The following CEP128 variants were observed in gnomAD, a reference collection of about 807,000 sequenced individuals.
The protein encoded by CEP128 is centrosomal protein 128kDa.
Under a neutral mutation model 156.7 loss-of-function variants are expected in CEP128, and 132 were observed. The ratio of observed to expected loss-of-function variants is 0.84; its 90% CI spans 0.73 to 0.97. CEP128 has a LOEUF of 0.97. Ranked by LOEUF, CEP128 falls within the 50% of genes least tolerant of loss-of-function variation. The probability of loss-of-function intolerance (pLI) is 0.00; values close to 1 mark genes in which losing one functional copy is unlikely to be tolerated. For missense variants in CEP128, 1,252 were observed against 1,281.9 expected (o/e 0.98, Z 0.36); for synonymous variants, 469 against 448.9 (o/e 1.04, Z -0.57).
intron 14 of CEP128, among the ~76,000 whole-genome samples, chr14:80,789,662 C>CA (rs888052861): frequency 1.3e-5 from 2 of 151,806 alleles, no homozygotes; most frequent in African/African-American, 4.8e-5. Flanking sequence ...ACCAAGCTTC[C>CA]AAAGAAGGGG....
At position 80,614,619 on chromosome 14, in the gene CEP128, T is replaced by G. The variant is rs142505074; in HGVS notation, c.2807-34196A>C. On this transcript the variant is annotated intron_variant, in intron 19 of 24. Coordinates refer to ENST00000555265, the MANE Select transcript of CEP128 (RefSeq NM_152446.5). ...CATAAAAAACCCTGTCCCACCCAGG[T>G]AGCCTGCTTTATGAGACTCTATTTT... Among the ~76,000 whole-genome samples, 711 of 152,330 alleles carry G rather than the reference T, an allele frequency of 4.7e-3. 3 individuals carry two copies. Among genetic ancestry groups the G allele is most frequent in the African/African-American group, 0.016 (680 of 41,570 alleles).
At chr14:80,869,038 A>G (rs760884646) in intron 8 of CEP128, among the ~76,000 whole-genome samples, 4 of 152,046 alleles carry the variant, frequency 2.6e-5, no homozygotes, top group Non-Finnish European at 5.9e-5. Context: ...CAGAAATACA[A>G]TAGTAGTTTT....
At chr14:80,636,752 T>C (rs912224531) in intron 19 of CEP128, among the ~76,000 whole-genome samples, 1 of 152,180 alleles carries the variant, frequency 6.6e-6, no homozygotes, top group Non-Finnish European at 1.5e-5. Flanking sequence ...ATTTCCATTT[T>C]TCCCCCCAAC....
At chr14:80,656,869 T>G (rs2140879470) in intron 19 of CEP128, among the ~76,000 whole-genome samples, 1 of 152,276 alleles carries the variant, frequency 6.6e-6, no homozygotes, top group Admixed American at 6.5e-5. Context: ...AACCCTAATA[T>G]GATATAAACA....
At chr14:80,723,732 C>T (rs1897909614) in intron 19 of CEP128, among the ~76,000 whole-genome samples, 2 of 152,116 alleles carry the variant, frequency 1.3e-5, no homozygotes, top group South Asian at 4.1e-4. Flanking sequence ...CTATTATGTT[C>T]CTGGAAGCAT....
intron 9 of CEP128, among the ~76,000 whole-genome samples, chr14:80,858,243 A>T (rs1887310398): frequency 7.2e-6 from 1 of 138,722 alleles, no homozygotes; most frequent in Non-Finnish European, 1.5e-5. Flanking sequence ...ATAACGCCAC[A>T]TATCTACAAC....
chr14:80,503,152 CTAAT>C (rs888023685), intron 24 of CEP128, among the ~76,000 whole-genome samples: 10 of 151,886 alleles, frequency 6.6e-5, no homozygotes, highest in African/African-American at 2.2e-4. Flanking sequence ...AATTAATTTA[CTAAT>C]TAATTAAACT....
intron 2 of CEP128, among the ~76,000 whole-genome samples, chr14:80,916,769 G>A (rs1884587988): frequency 6.6e-6 from 1 of 152,148 alleles, no homozygotes; most frequent in Admixed American, 6.5e-5. Context: ...CTTTAAGGGA[G>A]CGATTCCTCA....
intron 20 of CEP128, among the ~76,000 whole-genome samples, chr14:80,565,369 G>A (rs1030137993): frequency 1.8e-4 from 28 of 152,174 alleles, no homozygotes; most frequent in Admixed American, 5.2e-4. Flanking sequence ...AGATTTTAAA[G>A]GTAATTTGGC....
chr14:80,751,457 C>CT (rs1899388715), intron 18 of CEP128, among the ~76,000 whole-genome samples: 1 of 152,092 alleles, frequency 6.6e-6, no homozygotes, highest in African/African-American at 2.4e-5. Context: ...ATAGAAATAA[C>CT]TTTAACAATT....
intron 20 of CEP128, among the ~76,000 whole-genome samples, chr14:80,571,089 C>T (rs1335175512): frequency 6.6e-6 from 1 of 152,156 alleles, no homozygotes; most frequent in Non-Finnish European, 1.5e-5. Flanking sequence ...ACTGCGGAAA[C>T]AGCACAAGAA....
downstream of CEP128, among the ~76,000 whole-genome samples, chr14:80,485,783 C>T (rs565615118): frequency 2.0e-5 from 3 of 152,242 alleles, no homozygotes; most frequent in South Asian, 2.1e-4. Flanking sequence ...GCTGAGGAAA[C>T]GTAGGAATTG....
intron 16 of CEP128, among the ~76,000 whole-genome samples, chr14:80,773,622 G>A (rs1329556897): frequency 1.3e-5 from 2 of 152,104 alleles, no homozygotes; most frequent in Admixed American, 6.5e-5. Flanking sequence ...GATCCATATA[G>A]ATCAGGCATT....
chr14:80,684,040 G>A (rs941296250), intron 19 of CEP128, among the ~76,000 whole-genome samples: 5 of 151,952 alleles, frequency 3.3e-5, no homozygotes, highest in Admixed American at 3.3e-4. Flanking sequence ...TAGAGGAGCT[G>A]GAAAAACAAG....
intron 13 of CEP128, among the ~76,000 whole-genome samples, chr14:80,810,766 G>C (rs1247861197): frequency 6.6e-6 from 1 of 152,090 alleles, no homozygotes; most frequent in Non-Finnish European, 1.5e-5. Context: ...CTGATCCTGG[G>C]CTTTTCTTTG....
rs755704129 is a variant in CEP128, at chr14:80,793,088, T to C, written c.1232A>G (p.Asn411Ser). Residue 411 changes from asparagine (N) to serine (S), a missense_variant, in exon 14 of 25, where the codon AAT (asparagine) becomes AGT (serine). Asn to Ser is a conservative substitution (Grantham distance 46). Coordinates refer to ENST00000555265, the MANE Select transcript of CEP128 (RefSeq NM_152446.5). ...QVENLTRELE[N>S]GEKQQLQMLD... ...CATCTGCAGTTGCTGTTTTTCCCCA[T>C]TCTCCAGTTCACGTGTTAAATTCTA... 28 of 1,611,678 alleles carry C rather than the reference T, an allele frequency of 1.7e-5. No homozygotes were observed. The South Asian group carries it at 2.9e-4, about 16-fold the overall frequency.
chr14:80,735,716 T>C (rs1478457142), intron 19 of CEP128, among the ~76,000 whole-genome samples: 1 of 152,226 alleles, frequency 6.6e-6, no homozygotes, highest in Non-Finnish European at 1.5e-5. Flanking sequence ...CTTACTGGGC[T>C]AAATCAAGTG....
chr14:80,937,256 G>A lies in CEP128; in HGVS notation c.-16+2129C>T, dbSNP rs1485757441. 3.9e-5 allele frequency among the ~76,000 whole-genome samples: 6 copies of A among 152,186 alleles called. No homozygotes were observed. The East Asian group carries it at 9.6e-4, about 24-fold the overall frequency. On this transcript the variant is annotated intron_variant, in intron 2 of 24. Transcript: ENST00000555265. Reference sequence around the variant, plus strand: ...GGATTTCTCAAACCTGGGAGGTAGAGGCTACAGTGAGCCAAGATAGCACCA... The same window carrying A: ...GGATTTCTCAAACCTGGGAGGTAGAAGCTACAGTGAGCCAAGATAGCACCA...
chr14:80,937,298 G>A (rs1885862519), intron 2 of CEP128, among the ~76,000 whole-genome samples: 1 of 152,172 alleles, frequency 6.6e-6, no homozygotes, highest in Non-Finnish European at 1.5e-5. Flanking sequence ...TTCAGCCTGG[G>A]TGACAGAGTG....
Sources: gnomAD v4.1 joint callset for allele counts (sites outside exome capture counted in the v4.1 genomes callset) on GRCh38, gnomAD v4.1.1 for gene constraint, MANE v1.5 for transcripts, NCBI Gene and HGNC (gene_info 2026-07-23, HGNC 2026-07-21) for gene names.